TACC3: variants seen among roughly 807,000 people sequenced by gnomAD.
TACC3 encodes the protein transforming acidic coiled-coil containing protein 3, also known as transforming acidic coiled-coil-containing protein 3.
Under a neutral mutation model 86.0 loss-of-function variants are expected in TACC3, and 52 were observed. The ratio of observed to expected loss-of-function variants is 0.60; its 90% CI spans 0.48 to 0.76. The LOEUF is 0.76. Ranked by LOEUF, TACC3 falls within the 30% of genes least tolerant of loss-of-function variation. The probability of loss-of-function intolerance (pLI) is 0.00; values close to 1 mark genes in which losing one functional copy is unlikely to be tolerated. For missense variants in TACC3, 1,120 were observed against 1,070.4 expected, an observed-to-expected ratio of 1.05 and a Z score of -0.65; for synonymous variants, 512 against 430.0, an observed-to-expected ratio of 1.19 and a Z score of -2.36.
rs1717854350 is a variant in TACC3 at position 1,728,793 on chromosome 4, T to A, written c.1385+6T>A. ...CCAGGTCCCTGTCTGAGCCAGTAAG[T>A]GTGAGGATGGGATGGGGAGCGTGGC... On this transcript the variant is annotated splice_donor_region_variant and intron_variant, in intron 4 of 15. Transcript: ENST00000313288. The A allele has an allele frequency of 1.3e-6, 2 of 1,597,380 alleles. No homozygotes were observed. The highest frequency in any genetic ancestry group is 1.3e-5 in the African/African-American group (1 of 74,398).
chr4:1,722,406 T>C lies in TACC3; in HGVS notation c.-2+763T>C, dbSNP rs561358946. Among the ~76,000 whole-genome samples, 214 of 152,326 alleles carry C rather than the reference T, an allele frequency of 1.4e-3. 1 individual carries two copies. The highest frequency in any genetic ancestry group is 6.4e-3 in the South Asian group (31 of 4,820). Reference sequence around the variant, plus strand: ...CTAAGCGTCGTCCGTAAGTCCCATATGTGCCAGTGGCCAGGCCCGGGTCTG... The same window carrying C: ...CTAAGCGTCGTCCGTAAGTCCCATACGTGCCAGTGGCCAGGCCCGGGTCTG... On this transcript the variant is annotated intron_variant, in intron 1 of 15. Coordinates refer to ENST00000313288, the MANE Select transcript of TACC3 (RefSeq NM_006342.3).
chr4:1,725,018 G>C (rs975198727), intron 3 of TACC3, among the ~76,000 whole-genome samples: 1 of 138,260 alleles, frequency 7.2e-6, no homozygotes, highest in Non-Finnish European at 1.5e-5. Context: ...CACAACCTCC[G>C]CCTCCCAGGT....
intron 3 of TACC3, among the ~76,000 whole-genome samples, chr4:1,725,281 A>G (rs1717630368): frequency 6.6e-6 from 1 of 152,074 alleles, no homozygotes; most frequent in Non-Finnish European, 1.5e-5. Context: ...AAGCATAAGG[A>G]ACAGAATACC....
At chr4:1,733,686 C>T (rs1718113981) in intron 6 of TACC3, among the ~76,000 whole-genome samples, 1 of 152,048 alleles carries the variant, frequency 6.6e-6, no homozygotes, top group South Asian at 2.1e-4. Context: ...GAAATGAAAA[C>T]TGACAACAAG....
At chr4:1,743,327 G>T (rs1300673165) in intron 13 of TACC3, among the ~76,000 whole-genome samples, 2 of 151,752 alleles carry the variant, frequency 1.3e-5, no homozygotes, top group Non-Finnish European at 2.9e-5. Context: ...GGCCGAGGCG[G>T]GTGGATCACG....
chr4:1,740,627 G>A (rs1362338344), intron 12 of TACC3, 199 bp from the exon 13 acceptor site: 3 of 542,430 alleles, frequency 5.5e-6, no homozygotes, highest in African/African-American at 3.9e-5. Flanking sequence ...ATCTGATGTG[G>A]AGGAAACAGC....
chr4:1,724,118 G>A (rs927162254), intron 3 of TACC3, among the ~76,000 whole-genome samples: 2 of 151,900 alleles, frequency 1.3e-5, no homozygotes, highest in African/African-American at 4.8e-5. Context: ...ACAGGCGCCT[G>A]CCACCACGCC....
intron 10 of TACC3, chr4:1,739,209 G>A (rs1173714300): frequency 1.9e-5 from 3 of 154,092 alleles, no homozygotes; most frequent in East Asian, 1.9e-4. Flanking sequence ...TCGGGAGGCC[G>A]AAGCAAGACA....
chr4:1,740,782 T>A (rs1370620167), intron 12 of TACC3, 44 bp from the exon 13 acceptor site: 1 of 1,568,362 alleles, frequency 6.4e-7, no homozygotes, highest in Non-Finnish European at 8.6e-7. Flanking sequence ...ACCCATCGTT[T>A]CGGTTGCCTC....
chr4:1,726,717 C>T (rs1293238995), intron 3 of TACC3, among the ~76,000 whole-genome samples: 1 of 152,200 alleles, frequency 6.6e-6, no homozygotes, highest in African/African-American at 2.4e-5. Flanking sequence ...AGGACTGGGG[C>T]CAGGCCCTGG....
rs372676821 is a variant in TACC3, at chr4:1,745,020, C to T, written c.*7C>T. 6.1e-5 allele frequency: 98 copies of T among 1,601,888 alleles called. No individual in the cohort carries two copies. Among genetic ancestry groups the T allele is most frequent in the Middle Eastern group, 1.6e-4 (1 of 6,072 alleles). ...CAAGATGGAGAAGATCTGACCTCCA[C>T]GGAGCCGCTGTCCCCGCCCCCCTGC... is the stretch of plus-strand genomic sequence containing the variant. On this transcript the variant is annotated 3_prime_UTR_variant, in exon 16 of 16. Coordinates refer to ENST00000313288, the MANE Select transcript of TACC3 (RefSeq NM_006342.3).
Position 1,723,498 on chromosome 4 carries a change from C to T in TACC3, c.77C>T (p.Pro26Leu). 1 of 1,613,798 alleles carries T rather than the reference C, an allele frequency of 6.2e-7. No individual in the cohort carries two copies. The highest frequency in any genetic ancestry group is 8.5e-7 in the Non-Finnish European group (1 of 1,180,004). The change falls in exon 2 of 16, where the codon CCA becomes CTA. Residue 26 changes from proline to leucine, a missense_variant. Pro to Leu is a moderately conservative substitution (Grantham distance 98). Coordinates refer to ENST00000313288, the MANE Select transcript of TACC3 (RefSeq NM_006342.3). ...NTENCDFLFS[P>L]PEVTGRSSVL... is the part of the protein sequence containing the mutation. ...GAAAATTGCGACTTCCTGTTTTCGC[C>T]ACCAGAAGTTACCGGAAGATCGTCT...
chr4:1,723,904 T>C (rs1717551093), intron 3 of TACC3, 34 bp downstream of exon 3: 2 of 1,609,102 alleles, frequency 1.2e-6, no homozygotes, highest in Non-Finnish European at 1.7e-6. Context: ...TGCTGGAGCT[T>C]CACCCTCTCT....
At chr4:1,732,649 C>T (rs974773005) in intron 6 of TACC3, among the ~76,000 whole-genome samples, 3 of 152,188 alleles carry the variant, frequency 2.0e-5, no homozygotes, top group African/African-American at 7.2e-5. Context: ...TGGGCCGCCA[C>T]CATGTGGGGA....
chr4:1,744,306 C>A, intron 13 of TACC3: 1 of 564,456 alleles, frequency 1.8e-6, no homozygotes, highest in South Asian at 2.3e-5. Flanking sequence ...GGCCCGGCAT[C>A]TCAGGGTGGA....
intron 10 of TACC3, among the ~76,000 whole-genome samples, chr4:1,738,957 G>C (rs55667711): frequency 6.6e-6 from 1 of 151,934 alleles, no homozygotes. Flanking sequence ...CGGGAAAATT[G>C]TTTACTGAAA....
At chr4:1,733,981 A>AC (rs1718130794) in intron 6 of TACC3, among the ~76,000 whole-genome samples, 3 of 151,800 alleles carry the variant, frequency 2.0e-5, no homozygotes, top group African/African-American at 7.2e-5. Flanking sequence ...TGTCTCAAAA[A>AC]AAAAAAAAAG....
In TACC3 at chr4:1,739,862, A is replaced by ATCCCCCTCGCCATCCTTGTCCCCG. The variant is rs1560321955; in HGVS notation, c.2019-82_2019-81insTTGTCCCCGTCCCCCTCGCCATCC. ...CATCCCCCTCGCCATCCTTGTCCCC[A>ATCCCCCTCGCCATCCTTGTCCCCG]TCCCCCTCGCCATCCCTGTCCCCGT... is the stretch of plus-strand genomic sequence containing the variant. On this transcript the variant is annotated intron_variant, in intron 11 of 15. Coordinates refer to ENST00000313288, the MANE Select transcript of TACC3 (RefSeq NM_006342.3). 88 of 1,033,584 alleles carry ATCCCCCTCGCCATCCTTGTCCCCG rather than the reference A, an allele frequency of 8.5e-5. 1 individual carries two copies. The East Asian group carries it at 4.3e-3, about 50-fold the overall frequency. The allele number at this position is 1,033,584 out of a possible 1,614,324, so 64.0% of individuals were successfully genotyped here.
chr4:1,737,988 T>C, intron 10 of TACC3: 1 of 511,632 alleles, frequency 2.0e-6, no homozygotes, highest in South Asian at 1.7e-5. Flanking sequence ...CTTGCAGCAG[T>C]GAGTGTGGTT....
Sources: gnomAD v4.1 joint callset for allele counts (sites outside exome capture counted in the v4.1 genomes callset) on GRCh38, gnomAD v4.1.1 for gene constraint, MANE v1.5 for transcripts, NCBI Gene and HGNC (gene_info 2026-07-23, HGNC 2026-07-21) for gene names.